The following EIF4G3 variants were observed in gnomAD, a reference collection of about 807,000 sequenced individuals.
The protein encoded by EIF4G3 is eIF-4-gamma 3.
In EIF4G3, 34 loss-of-function variants were observed where a neutral mutation model predicts 186.4. The ratio of observed to expected loss-of-function variants is 0.18; its 90% CI spans 0.14 to 0.24. EIF4G3 has a LOEUF of 0.24. Ranked by LOEUF, EIF4G3 falls within the 10% of genes least tolerant of loss-of-function variation. The pLI, the probability that EIF4G3 is intolerant of heterozygous loss-of-function variation, is 1.00. For synonymous variants in EIF4G3, 673 were observed against 679.5 expected (o/e 0.99, Z 0.15); for missense variants, 1,536 against 1,948.5 (o/e 0.79, Z 3.99).
intron 14 of EIF4G3, among the ~76,000 whole-genome samples, chr1:20,935,662 C>T (rs1168668247): frequency 6.6e-6 from 1 of 152,116 alleles, no homozygotes; most frequent in Admixed American, 6.5e-5. Flanking sequence ...TTGGGGTATC[C>T]ATCACCTCAA....
At chr1:20,860,575 A>T (rs2076103323) in intron 23 of EIF4G3, 58 bp from the exon 24 acceptor site, 2 of 1,567,572 alleles carry the variant, frequency 1.3e-6, no homozygotes, top group Admixed American at 3.9e-5. Context: ...TTTAAAATTT[A>T]AAAATTAGCA....
At chr1:21,023,527 C>T (rs933483566) in intron 4 of EIF4G3, among the ~76,000 whole-genome samples, 2 of 152,018 alleles carry the variant, frequency 1.3e-5, no homozygotes, top group East Asian at 1.9e-4. Context: ...CCCGAGGTGC[C>T]GGGATGGCAG....
At chr1:21,147,391 A>G (rs906824652) in intron 2 of EIF4G3, among the ~76,000 whole-genome samples, 23 of 151,524 alleles carry the variant, frequency 1.5e-4, no homozygotes, top group African/African-American at 5.6e-4. Context: ...CCTGGGCTGG[A>G]GTGCAATCGC....
intron 14 of EIF4G3, among the ~76,000 whole-genome samples, chr1:20,918,978 A>C (rs2094216020): frequency 6.6e-6 from 1 of 152,200 alleles, no homozygotes; most frequent in South Asian, 2.1e-4. Flanking sequence ...TGGCAAACTA[A>C]TAGCTTAAAT....
chr1:21,128,694 T>C (rs1047081921), intron 2 of EIF4G3, among the ~76,000 whole-genome samples: 25 of 152,174 alleles, frequency 1.6e-4, no homozygotes, highest in African/African-American at 5.6e-4. Flanking sequence ...TTATTAATAT[T>C]TTCTCAATGC....
intron 16 of EIF4G3, among the ~76,000 whole-genome samples, chr1:20,898,290 A>C (rs1399292319): frequency 9.9e-5 from 15 of 152,080 alleles, no homozygotes; most frequent in Admixed American, 9.8e-4. Context: ...AAGAGTTTGA[A>C]AGCAGCCTGG....
chr1:20,815,816 CGGGA>C (rs2060567659), intron 34 of EIF4G3, among the ~76,000 whole-genome samples: 1 of 125,474 alleles, frequency 8.0e-6, no homozygotes, highest in Non-Finnish European at 1.7e-5. Context: ...CCGCCCAGTC[CGGGA>C]GGGAGGTGGG....
intron 7 of EIF4G3, among the ~76,000 whole-genome samples, chr1:20,990,401 G>A (rs1172783144): frequency 6.6e-6 from 1 of 152,146 alleles, no homozygotes; most frequent in African/African-American, 2.4e-5. Context: ...CCAGCCGGGT[G>A]CGGTGGCACA....
At chr1:21,065,928 C>T (rs2095219127) in intron 3 of EIF4G3, among the ~76,000 whole-genome samples, 1 of 152,008 alleles carries the variant, frequency 6.6e-6, no homozygotes, top group Non-Finnish European at 1.5e-5. Context: ...AAACCTAAAG[C>T]TGTGGTTTGC....
At chr1:21,143,937 C>T (rs2097388299) in intron 2 of EIF4G3, among the ~76,000 whole-genome samples, 1 of 152,240 alleles carries the variant, frequency 6.6e-6, no homozygotes, top group South Asian at 2.1e-4. Flanking sequence ...AAAGAAAAAA[C>T]TTATTTATAA....
At chr1:20,984,157 T>A (rs1428092921) in intron 7 of EIF4G3, among the ~76,000 whole-genome samples, 1 of 152,120 alleles carries the variant, frequency 6.6e-6, no homozygotes, top group Non-Finnish European at 1.5e-5. Flanking sequence ...TATATTGATA[T>A]ACTAATTTTT....
intron 2 of EIF4G3, among the ~76,000 whole-genome samples, chr1:21,143,525 T>G (rs1235643647): frequency 6.6e-6 from 1 of 152,188 alleles, no homozygotes; most frequent in Non-Finnish European, 1.5e-5. Context: ...CAAGGAGGTG[T>G]GCAACTACAG....
intron 2 of EIF4G3, among the ~76,000 whole-genome samples, chr1:21,174,334 T>C (rs2098056434): frequency 6.6e-6 from 1 of 152,202 alleles, no homozygotes; most frequent in Non-Finnish European, 1.5e-5. Flanking sequence ...TGAAATGCAC[T>C]GAGAAAAAGC....
intron 2 of EIF4G3, among the ~76,000 whole-genome samples, chr1:21,140,504 G>T (rs2097319310): frequency 6.6e-6 from 1 of 152,100 alleles, no homozygotes. Context: ...ATTAGAGATG[G>T]GGTTTCACCA....
At chr1:20,855,474 A>T (rs183320059) in intron 25 of EIF4G3, among the ~76,000 whole-genome samples, 78 of 152,392 alleles carry the variant, frequency 5.1e-4, no homozygotes, top group African/African-American at 1.7e-3. Flanking sequence ...ACAGATCAAC[A>T]GACATAAAAA....
rs1463255089 is a variant in EIF4G3, at chr1:20,941,096, G to GT, written c.1663+394dup. ...GAAGAGTTCCTTTAGGATTGACTGG[G>GT]TTTTAAAATTCTAGGAAGACAGAAT... On this transcript the variant is annotated intron_variant, in intron 14 of 36. Coordinates refer to ENST00000602326, the MANE Select transcript of EIF4G3 (RefSeq NM_001391906.1). 4.6e-6 allele frequency: 4 copies of GT among 872,356 alleles called. No individual in the cohort carries two copies. In the African/African-American group the frequency reaches 6.9e-5, roughly 15 times the overall value. 54.0% of individuals were successfully genotyped at this position (872,356 alleles called of 1,614,324 possible). A position where few individuals can be genotyped will look rare whatever the true frequency, so the allele number is the denominator to read the frequency against.
intron 4 of EIF4G3, among the ~76,000 whole-genome samples, chr1:21,027,457 T>C (rs1231558625): frequency 6.6e-6 from 1 of 151,718 alleles, no homozygotes; most frequent in Non-Finnish European, 1.5e-5. Flanking sequence ...AGTGAAAGCC[T>C]GTGTCTACTA....
intron 4 of EIF4G3, among the ~76,000 whole-genome samples, chr1:21,048,549 T>TA (rs34730131): frequency 0.034 from 5,144 of 152,150 alleles, 291 homozygotes; most frequent in African/African-American, 0.12. Flanking sequence ...CTCATGGACA[T>TA]AGCTTCATCA....
At chr1:20,876,790 G>A (rs940837347) in intron 20 of EIF4G3, among the ~76,000 whole-genome samples, 20 of 152,136 alleles carry the variant, frequency 1.3e-4, no homozygotes, top group African/African-American at 4.8e-4. Flanking sequence ...GAGCCTAGGA[G>A]TTTTTGAGAC....
Sources: gnomAD v4.1 joint callset for allele counts (sites outside exome capture counted in the v4.1 genomes callset) on GRCh38, gnomAD v4.1.1 for gene constraint, MANE v1.5 for transcripts, NCBI Gene and HGNC (gene_info 2026-07-23, HGNC 2026-07-21) for gene names.